Variants in DLGAP5 observed in about 807,000 individuals in gnomAD.
DLGAP5 encodes the protein DLG associated protein 5.
In DLGAP5, 90 loss-of-function variants were observed where a neutral mutation model predicts 99.6. That is an observed-to-expected ratio of 0.90 (90% CI 0.76 to 1.08). The LOEUF is 1.08. Among genes scored for constraint, DLGAP5 ranks in the 50% least tolerant of loss-of-function variants. The pLI, the probability that DLGAP5 is intolerant of heterozygous loss-of-function variation, is 0.00. For missense variants in DLGAP5, 1,036 were observed against 983.5 expected, an observed-to-expected ratio of 1.05 and a Z score of -0.71; for synonymous variants, 311 against 321.3, an observed-to-expected ratio of 0.97 and a Z score of 0.34.
intron 17 of DLGAP5, 47 bp from the exon 18 acceptor site, chr14:55,150,895 G>T (rs766850441): frequency 2.6e-5 from 34 of 1,303,756 alleles, no homozygotes; most frequent in Middle Eastern, 4.1e-4. Flanking sequence ...TCTCACATTC[G>T]AGGGCTGTTA....
chr14:55,169,342 TAAA>T (rs61278586), intron 12 of DLGAP5, 54 bp downstream of exon 12: 100,566 of 860,632 alleles, frequency 0.12, 2,204 homozygotes, highest in African/African-American at 0.28. Flanking sequence ...TCCTGCTACT[TAAA>T]AAAAAAAAAA....
At chr14:55,166,592 G>A (rs914366639) in intron 12 of DLGAP5, among the ~76,000 whole-genome samples, 6 of 151,850 alleles carry the variant, frequency 4.0e-5, no homozygotes, top group South Asian at 2.1e-4. Context: ...AGACAGGCAC[G>A]GTGGCACATG....
chr14:55,148,180 C>T lies in DLGAP5; in HGVS notation c.*171G>A. 1 of 658,866 alleles carries T rather than the reference C, an allele frequency of 1.5e-6. No individual in the cohort carries two copies. The allele number at this position is 658,866 out of a possible 1,614,324, so 40.8% of individuals were successfully genotyped here. On this transcript the variant is annotated 3_prime_UTR_variant, in exon 19 of 19. Coordinates refer to ENST00000247191, the MANE Select transcript of DLGAP5 (RefSeq NM_014750.5). ...GTGTTGAAAATGTACAAAATATCCC[C>T]ACTTCCCTTGAGAAAGAGTATATCT... is the stretch of plus-strand genomic sequence containing the variant.
intron 14 of DLGAP5, among the ~76,000 whole-genome samples, chr14:55,155,057 C>T (rs1174662823): frequency 6.6e-6 from 1 of 152,188 alleles, no homozygotes; most frequent in African/African-American, 2.4e-5. Context: ...GAGTCTTACA[C>T]TGTCACCCAG....
chr14:55,161,874 C>CAA (rs34002442), intron 13 of DLGAP5, among the ~76,000 whole-genome samples: 787 of 37,954 alleles, frequency 0.021, 53 homozygotes, highest in Non-Finnish European at 0.029. Flanking sequence ...AACTCTGTCT[C>CAA]AAAAAAAAAA....
intron 10 of DLGAP5, among the ~76,000 whole-genome samples, chr14:55,174,759 T>TGGCTAACTGCAACCTC (rs1882996117): frequency 6.6e-6 from 1 of 151,582 alleles, no homozygotes; most frequent in African/African-American, 2.4e-5. Context: ...GGTGCAATCT[T>TGGCTAACTGCAACCTC]GGCTAACTGC....
At chr14:55,173,963 G>A (rs1374233091) in intron 10 of DLGAP5, among the ~76,000 whole-genome samples, 3 of 152,168 alleles carry the variant, frequency 2.0e-5, no homozygotes, top group East Asian at 1.9e-4. Flanking sequence ...TATGAAATGT[G>A]GGCACCTTGA....
intron 2 of DLGAP5, 133 bp from the exon 3 acceptor site, chr14:55,183,886 C>T (rs922067799): frequency 1.0e-5 from 9 of 889,904 alleles, no homozygotes; most frequent in East Asian, 3.1e-5. Context: ...GGCACGGTGG[C>T]TCACGCCTGT....
chr14:55,183,614 A>G lies in DLGAP5; in HGVS notation c.378T>C (p.Asp126=). 1 of 1,600,042 alleles carries G rather than the reference A, an allele frequency of 6.2e-7. No homozygotes were observed. The highest frequency in any genetic ancestry group is 1.1e-5 in the South Asian group (1 of 87,616). The change falls in exon 3 of 19, where the codon GAT becomes GAC. Residue 126 remains aspartate, a synonymous_variant. Transcript: ENST00000247191. ...GIFKVGRYRP[D]MPCFLLSNQN... Reference sequence around the variant, plus strand: ...GGTTTGATAAAAGAAAACAAGGCATATCAGGTCTATAACGACCCACTTTAA... The same window carrying G: ...GGTTTGATAAAAGAAAACAAGGCATGTCAGGTCTATAACGACCCACTTTAA...
chr14:55,158,462 A>T, intron 14 of DLGAP5, 60 bp downstream of exon 14: 1 of 1,439,870 alleles, frequency 6.9e-7, no homozygotes, highest in Non-Finnish European at 9.5e-7. Flanking sequence ...TCTATCCCAA[A>T]TATTTCTCTT....
chr14:55,188,838 G>C, intron 2 of DLGAP5, 104 bp downstream of exon 2: 1 of 711,330 alleles, frequency 1.4e-6, no homozygotes, highest in Non-Finnish European at 2.3e-6. Context: ...TTATAGAATG[G>C]TATTTCAAAA....
intron 7 of DLGAP5, 36 bp downstream of exon 7, chr14:55,179,593 A>C: frequency 6.5e-7 from 1 of 1,541,612 alleles, no homozygotes; most frequent in Non-Finnish European, 8.9e-7. Flanking sequence ...TGAGATTTTC[A>C]AAGCATCTAG....
chr14:55,172,547 T>A (rs1476394520), intron 10 of DLGAP5, among the ~76,000 whole-genome samples: 2 of 149,570 alleles, frequency 1.3e-5, no homozygotes, highest in African/African-American at 4.9e-5. Flanking sequence ...AGGTGGGAGG[T>A]CGGGAAGTCA....
chr14:55,162,953 T>C lies in DLGAP5; in HGVS notation c.1653+18A>G. The C allele has an allele frequency of 1.4e-6, 2 of 1,443,126 alleles. No homozygotes were observed. Among genetic ancestry groups the C allele is most frequent in the Non-Finnish European group, 9.3e-7 (1 of 1,071,210 alleles). 89.4% of individuals were successfully genotyped at this position (1,443,126 alleles called of 1,614,324 possible). A position where few individuals can be genotyped will look rare whatever the true frequency, so the allele number is the denominator to read the frequency against. ...TAACTAAAAAAAAAAAAATTGGATATAAAACCCACAAACTTACCCTAAAGA... is the reference window on the plus strand; with the variant it reads ...TAACTAAAAAAAAAAAAATTGGATACAAAACCCACAAACTTACCCTAAAGA... On this transcript the variant is annotated intron_variant, in intron 13 of 18. Transcript: ENST00000247191.
At chr14:55,156,887 A>C (rs188950822) in intron 14 of DLGAP5, among the ~76,000 whole-genome samples, 9 of 152,384 alleles carry the variant, frequency 5.9e-5, no homozygotes, top group African/African-American at 2.2e-4. Flanking sequence ...GGAATTAAAA[A>C]CATGATAGCC....
chr14:55,158,946 T>C (rs2140308818), intron 13 of DLGAP5, among the ~76,000 whole-genome samples: 1 of 151,322 alleles, frequency 6.6e-6, no homozygotes, highest in East Asian at 1.9e-4. Context: ...CCTCAAGGAG[T>C]TTGCAGCTTA....
chr14:55,184,084 T>C (rs1883357488), intron 2 of DLGAP5, among the ~76,000 whole-genome samples: 1 of 151,610 alleles, frequency 6.6e-6, no homozygotes, highest in Non-Finnish European at 1.5e-5. Context: ...ACCCAGGAGA[T>C]GGAGGTTGCA....
intron 13 of DLGAP5, among the ~76,000 whole-genome samples, chr14:55,159,502 A>C (rs964008724): frequency 6.6e-6 from 1 of 152,148 alleles, no homozygotes; most frequent in African/African-American, 2.4e-5. Flanking sequence ...CATCTATTGG[A>C]TGTGTGTGGG....
At chr14:55,163,384 A>G (rs563785542) in intron 12 of DLGAP5, among the ~76,000 whole-genome samples, 1 of 152,362 alleles carries the variant, frequency 6.6e-6, no homozygotes, top group East Asian at 1.9e-4. Flanking sequence ...AAATTACACA[A>G]TGTGAACACA....
Sources: gnomAD v4.1 joint callset for allele counts (sites outside exome capture counted in the v4.1 genomes callset) on GRCh38, gnomAD v4.1.1 for gene constraint, MANE v1.5 for transcripts, NCBI Gene and HGNC (gene_info 2026-07-23, HGNC 2026-07-21) for gene names.